Variants in DCHS2 observed in about 807,000 individuals in gnomAD.
DCHS2 encodes the protein dachsous cadherin-related 2.
In DCHS2, 142 loss-of-function variants were observed where a neutral mutation model predicts 182.4. The ratio of observed to expected loss-of-function variants is 0.78; its 90% CI spans 0.68 to 0.89. The LOEUF is 0.89. DCHS2 is among the 40% of genes least tolerant of loss of function. The pLI, the probability that DCHS2 is intolerant of heterozygous loss-of-function variation, is 0.00. For synonymous variants in DCHS2, 1,740 were observed against 1,663.3 expected, an observed-to-expected ratio of 1.05 and a Z score of -1.12; for missense variants, 4,319 against 4,198.6, an observed-to-expected ratio of 1.03 and a Z score of -0.79.
rs1342181063 is a variant in DCHS2, at chr4:154,489,779, A to G, written c.1577T>C (p.Leu526Pro). The G allele has an allele frequency of 1.9e-6, 3 of 1,551,470 alleles. No individual in the cohort carries two copies. Among genetic ancestry groups the G allele is most frequent in the African/African-American group, 1.4e-5 (1 of 73,024 alleles). ...SPPLSTEETL[L>P]LRVADLNDQP... ...GTCATTGAGGTCAGCGACCCGGAGT[A>G]GCAGCGTCTCCTCCGTGCTCAGCGG... The change falls in exon 1 of 20, where the codon CTA becomes CCA. Residue 526 changes from leucine (L) to proline (P), a missense_variant. Leu to Pro is a moderately conservative substitution (Grantham distance 98, BLOSUM62 -3). Transcript: ENST00000357232.
chr4:154,485,390 A>G (rs1728550563), intron 1 of DCHS2, among the ~76,000 whole-genome samples: 1 of 152,240 alleles, frequency 6.6e-6, no homozygotes, highest in South Asian at 2.1e-4. Flanking sequence ...TGAAAGAAAC[A>G]GATACACGCC....
chr4:154,356,290 A>T (rs894462611), intron 3 of DCHS2, among the ~76,000 whole-genome samples: 4 of 152,330 alleles, frequency 2.6e-5, no homozygotes, highest in Non-Finnish European at 5.9e-5. Flanking sequence ...ATATGGTTGT[A>T]CAACTATACA....
rs1185660395 is a variant in DCHS2 at position 154,232,625 on chromosome 4, A to G, written c.*1911T>C. The G allele has an allele frequency of 2.0e-5, 3 of 152,176 alleles. No individual in the cohort carries two copies. The highest frequency in any genetic ancestry group is 3.8e-4 in the East Asian group (2 of 5,202). 9.4% of individuals were successfully genotyped at this position (152,176 alleles called of 1,614,324 possible). On this transcript the variant is annotated 3_prime_UTR_variant, in exon 20 of 20. Coordinates refer to ENST00000357232, the MANE Select transcript of DCHS2 (RefSeq NM_001358235.2). ...TATTGTGAAAAGAAAACTTCCATATATAATTAGGAAAATATAGTATAGGGT... is the reference window on the plus strand; with the variant it reads ...TATTGTGAAAAGAAAACTTCCATATGTAATTAGGAAAATATAGTATAGGGT...
intron 1 of DCHS2, among the ~76,000 whole-genome samples, chr4:154,466,321 C>G (rs1735236827): frequency 6.6e-6 from 1 of 152,104 alleles, no homozygotes. Flanking sequence ...TTACTCATAG[C>G]AAAGGTGGTA....
chr4:154,357,269 C>T lies in DCHS2; in HGVS notation c.2476+8941G>A, dbSNP rs149265546. On this transcript the variant is annotated intron_variant, in intron 3 of 19. Transcript: ENST00000357232. Reference sequence around the variant, plus strand: ...ACATCTCTAAACTGTTCATTACTTCCTTGTCTGCTGAAAAGTTGACAGCAC... The same window carrying T: ...ACATCTCTAAACTGTTCATTACTTCTTTGTCTGCTGAAAAGTTGACAGCAC... The T allele has an allele frequency of 8.4e-5, 136 of 1,613,620 alleles. 1 individual carries two copies. The African/African-American group carries it at 1.7e-3, about 21-fold the overall frequency.
Position 154,333,482 on chromosome 4 carries a change from G to C in DCHS2, c.2726C>G (p.Pro909Arg), listed in dbSNP as rs767623228. The C allele has an allele frequency of 9.3e-6, 15 of 1,607,440 alleles. No individual in the cohort carries two copies. Among genetic ancestry groups the C allele is most frequent in the Non-Finnish European group, 1.3e-5 (15 of 1,175,034 alleles). The change falls in exon 5 of 20, where the codon CCA becomes CGA. Residue 909 changes from proline (P) to arginine (R), a missense_variant. By Grantham distance (103) the Pro-to-Arg change is moderately radical. Transcript: ENST00000357232. ...KAREPLNSSE[P>R]IFYRISSGDL... ...ACCAGAAGAAATCCTGTAAAAGATTGGTTCTGAGGAGTCTGAAAAAGAGAG... is the reference window on the plus strand; with the variant it reads ...ACCAGAAGAAATCCTGTAAAAGATTCGTTCTGAGGAGTCTGAAAAAGAGAG...
At chr4:154,358,267 A>G (rs1030487763) in intron 3 of DCHS2, among the ~76,000 whole-genome samples, 1 of 152,166 alleles carries the variant, frequency 6.6e-6, no homozygotes, top group African/African-American at 2.4e-5. Context: ...TCGCTTATCC[A>G]AATCTGAGCT....
intron 2 of DCHS2, among the ~76,000 whole-genome samples, chr4:154,372,606 A>G (rs912515766): frequency 3.9e-5 from 6 of 152,244 alleles, no homozygotes; most frequent in African/African-American, 1.4e-4. Context: ...ACCAAAAAAA[A>G]TCTATTTGGT....
intron 12 of DCHS2, among the ~76,000 whole-genome samples, chr4:154,299,541 A>G (rs1364108904): frequency 1.3e-5 from 2 of 152,222 alleles, no homozygotes; most frequent in East Asian, 3.8e-4. Context: ...GAGTCTGCAT[A>G]TCAGAGGCAT....
intron 3 of DCHS2, among the ~76,000 whole-genome samples, chr4:154,353,621 A>G (rs1729720420): frequency 6.6e-6 from 1 of 152,106 alleles, no homozygotes; most frequent in African/African-American, 2.4e-5. Flanking sequence ...TGGTTATATT[A>G]CAGTTTTCTT....
chr4:154,312,785 T>C (rs890517005), intron 10 of DCHS2, among the ~76,000 whole-genome samples: 2 of 152,208 alleles, frequency 1.3e-5, no homozygotes, highest in Non-Finnish European at 2.9e-5. Context: ...TATCCTTTAT[T>C]CTTTGATATA....
chr4:154,464,935 T>C (rs577390447), intron 1 of DCHS2, among the ~76,000 whole-genome samples: 1 of 152,274 alleles, frequency 6.6e-6, no homozygotes, highest in South Asian at 2.1e-4. Flanking sequence ...AAAAGAGATC[T>C]TTCTACCTCC....
At chr4:154,359,419 G>T (rs1043363225) in intron 3 of DCHS2, among the ~76,000 whole-genome samples, 2 of 151,848 alleles carry the variant, frequency 1.3e-5, no homozygotes, top group Non-Finnish European at 2.9e-5. Context: ...TTTAACCAAG[G>T]TAGCAATTCA....
At chr4:154,394,560 G>C (rs1400866278) in intron 1 of DCHS2, among the ~76,000 whole-genome samples, 1 of 152,210 alleles carries the variant, frequency 6.6e-6, no homozygotes, top group Non-Finnish European at 1.5e-5. Flanking sequence ...GATCTGGGCA[G>C]TGGTGGGGTG....
intron 8 of DCHS2, among the ~76,000 whole-genome samples, chr4:154,321,952 A>G (rs866328761): frequency 6.6e-5 from 10 of 152,144 alleles, no homozygotes; most frequent in African/African-American, 2.4e-4. Flanking sequence ...ACAAAAATCT[A>G]TGTCATTTAT....
intron 1 of DCHS2, among the ~76,000 whole-genome samples, chr4:154,441,028 T>C (rs2110955369): frequency 6.6e-6 from 1 of 152,316 alleles, no homozygotes; most frequent in African/African-American, 2.4e-5. Context: ...GCCAGCATTT[T>C]AGAAAAATGA....
intron 3 of DCHS2, among the ~76,000 whole-genome samples, chr4:154,342,195 T>C (rs2111387078): frequency 8.1e-6 from 1 of 123,752 alleles, no homozygotes; most frequent in East Asian, 2.2e-4. Context: ...TATACCTTAA[T>C]TTAAAAATAT....
At chr4:154,382,734 CAT>C (rs1731227946) in intron 1 of DCHS2, among the ~76,000 whole-genome samples, 1 of 151,930 alleles carries the variant, frequency 6.6e-6, no homozygotes, top group South Asian at 2.1e-4. Flanking sequence ...AGCCAAGAAA[CAT>C]ATGAAAAAAA....
chr4:154,313,515 T>C (rs2111320240), intron 10 of DCHS2, among the ~76,000 whole-genome samples: 1 of 152,302 alleles, frequency 6.6e-6, no homozygotes, highest in South Asian at 2.1e-4. Context: ...AAAAAATACG[T>C]ACTATAAAGT....
Sources: allele counts gnomAD v4.1 joint callset (sites outside exome capture counted in the v4.1 genomes callset), GRCh38; gene constraint gnomAD v4.1.1; transcripts MANE v1.5; gene names NCBI Gene and HGNC (gene_info 2026-07-23, HGNC 2026-07-21).